SEMA6D: variants seen among roughly 807,000 people sequenced by gnomAD.
SEMA6D encodes semaphorin-6D.
A neutral mutation model predicts 106.6 loss-of-function variants in SEMA6D; 35 were observed. The observed-to-expected ratio is 0.33, with a 90% CI of 0.25 to 0.44. The LOEUF is 0.44. Among genes scored for constraint, SEMA6D ranks in the 20% least tolerant of loss-of-function variants. SEMA6D has a pLI of 1.00. For synonymous variants in SEMA6D, 499 were observed against 487.7 expected (o/e 1.02, Z -0.31); for missense variants, 1,185 against 1,345.9 (o/e 0.88, Z 1.87).
At chr15:47,421,259 G>T (rs2041144267) in intron 2 of SEMA6D, among the ~76,000 whole-genome samples, 1 of 152,060 alleles carries the variant, frequency 6.6e-6, no homozygotes, top group Non-Finnish European at 1.5e-5. Context: ...AGTTTCTGAG[G>T]CAGTGCCATA....
intron 18 of SEMA6D, among the ~76,000 whole-genome samples, 161 bp downstream of exon 18, chr15:47,768,909 C>G (rs2082490124): frequency 6.6e-6 from 1 of 152,108 alleles, no homozygotes; most frequent in African/African-American, 2.4e-5. Flanking sequence ...GTGGTTATAT[C>G]TGAGTGCATT....
chr15:47,269,402 A>G (rs909780034), intron 1 of SEMA6D, among the ~76,000 whole-genome samples: 20 of 152,076 alleles, frequency 1.3e-4, no homozygotes, highest in Admixed American at 1.3e-3. Flanking sequence ...ATATAGCTCA[A>G]TGTAAGGTAA....
At chr15:47,678,385 G>C (rs1318849348) in intron 4 of SEMA6D, among the ~76,000 whole-genome samples, 1 of 152,114 alleles carries the variant, frequency 6.6e-6, no homozygotes, top group East Asian at 1.9e-4. Flanking sequence ...GTTTCCAAGT[G>C]TTTTCATAGC....
At chr15:47,523,704 G>T (rs1394982175) in intron 3 of SEMA6D, among the ~76,000 whole-genome samples, 1 of 152,154 alleles carries the variant, frequency 6.6e-6, no homozygotes, top group African/African-American at 2.4e-5. Context: ...CCCTTCTGTG[G>T]ATCAACCAGA....
At chr15:47,366,311 T>G (rs558126609) in intron 1 of SEMA6D, among the ~76,000 whole-genome samples, 65 of 152,312 alleles carry the variant, frequency 4.3e-4, no homozygotes, top group South Asian at 1.0e-3. Flanking sequence ...TATTGTATTA[T>G]TAAGGGTGGC....
chr15:47,254,743 T>A (rs1055475946), intron 1 of SEMA6D, among the ~76,000 whole-genome samples: 6 of 152,166 alleles, frequency 3.9e-5, no homozygotes, highest in African/African-American at 1.4e-4. Context: ...TTTTGAATCA[T>A]CTTTGCATCT....
chr15:47,386,690 G>A (rs574678299), intron 1 of SEMA6D, among the ~76,000 whole-genome samples: 1 of 152,152 alleles, frequency 6.6e-6, no homozygotes. Context: ...TGTGACCTCT[G>A]GGAACACCTG....
chr15:47,433,371 GC>G (rs1439803351), intron 2 of SEMA6D, among the ~76,000 whole-genome samples: 3 of 151,660 alleles, frequency 2.0e-5, no homozygotes, highest in Non-Finnish European at 2.9e-5. Flanking sequence ...ATCCAAGTAT[GC>G]CATTATAAAA....
intron 2 of SEMA6D, among the ~76,000 whole-genome samples, chr15:47,416,969 T>C (rs1478167610): frequency 1.3e-5 from 2 of 152,138 alleles, no homozygotes; most frequent in African/African-American, 4.8e-5. Context: ...AATTTTCTTC[T>C]TTTATTTTCA....
At chr15:47,381,098 G>T (rs146119389) in intron 1 of SEMA6D, among the ~76,000 whole-genome samples, 9 of 152,382 alleles carry the variant, frequency 5.9e-5, no homozygotes, top group African/African-American at 2.2e-4. Flanking sequence ...AAGGGCTGAA[G>T]GCCAGAATTC....
chr15:47,501,232 A>G (rs745636644), intron 3 of SEMA6D, among the ~76,000 whole-genome samples: 8 of 152,330 alleles, frequency 5.3e-5, no homozygotes, highest in Middle Eastern at 3.4e-3. Flanking sequence ...CTAGAGAGAC[A>G]TATCACTGTC....
chr15:47,494,743 T>TAGATAG (rs1378034221), intron 3 of SEMA6D, among the ~76,000 whole-genome samples: 13 of 23,096 alleles, frequency 5.6e-4, no homozygotes, highest in African/African-American at 3.9e-3. Context: ...GGGATGGAGA[T>TAGATAG]ATATATATAT....
chr15:47,768,773 C>T (rs202098763), intron 18 of SEMA6D, 25 bp downstream of exon 18: 6 of 1,599,500 alleles, frequency 3.8e-6, no homozygotes, highest in Non-Finnish European at 5.1e-6. Context: ...GGGACCTCAT[C>T]TCTAACTGCG....
At chr15:47,315,158 G>A (rs1035208410) in intron 1 of SEMA6D, among the ~76,000 whole-genome samples, 2 of 152,048 alleles carry the variant, frequency 1.3e-5, no homozygotes, top group African/African-American at 2.4e-5. Flanking sequence ...GAGCCACCGC[G>A]CCCGGCCCTA....
At chr15:47,679,280 A>T (rs533254314) in intron 4 of SEMA6D, among the ~76,000 whole-genome samples, 39 of 152,232 alleles carry the variant, frequency 2.6e-4, no homozygotes, top group Non-Finnish European at 4.6e-4. Context: ...ACTGTGAGGG[A>T]GTTAATTGCC....
intron 2 of SEMA6D, among the ~76,000 whole-genome samples, chr15:47,420,653 A>G (rs549260869): frequency 3.5e-4 from 53 of 152,226 alleles, no homozygotes; most frequent in African/African-American, 1.2e-3. Context: ...GTCATAAGTG[A>G]CTGTTAACTT....
intron 3 of SEMA6D, among the ~76,000 whole-genome samples, chr15:47,559,199 C>T (rs753311903): frequency 2.6e-5 from 4 of 151,878 alleles, no homozygotes; most frequent in South Asian, 2.1e-4. Context: ...ATCAAGGACA[C>T]GAATATTGAA....
intron 3 of SEMA6D, among the ~76,000 whole-genome samples, chr15:47,537,013 A>G (rs1272464437): frequency 1.3e-5 from 2 of 152,226 alleles, no homozygotes; most frequent in African/African-American, 2.4e-5. Context: ...AGTTAGATAT[A>G]GAAGTCAGAT....
chr15:47,274,135 C>T (rs917547967), intron 1 of SEMA6D: 1 of 152,020 alleles, frequency 6.6e-6, no homozygotes, highest in African/African-American at 2.4e-5. Flanking sequence ...TGCACATCAA[C>T]ATACGCAATT....
Sources: gnomAD v4.1 joint callset for allele counts (sites outside exome capture counted in the v4.1 genomes callset) on GRCh38, gnomAD v4.1.1 for gene constraint, MANE v1.5 for transcripts, NCBI Gene and HGNC (gene_info 2026-07-23, HGNC 2026-07-21) for gene names.